COL5A1: variants seen among roughly 807,000 people sequenced by gnomAD.
COL5A1 encodes collagen alpha-1(V) chain.
A neutral mutation model predicts 263.7 loss-of-function variants in COL5A1; 16 were observed. That is an observed-to-expected ratio of 0.06 (90% CI 0.04 to 0.09). COL5A1 has a LOEUF of 0.09. Ranked by LOEUF, COL5A1 falls within the 10% of genes least tolerant of loss-of-function variation. COL5A1 has a pLI of 1.00. For missense variants in COL5A1, 2,036 were observed against 2,540.5 expected, an observed-to-expected ratio of 0.80 and a Z score of 4.27; for synonymous variants, 1,012 against 1,004.5, an observed-to-expected ratio of 1.01 and a Z score of -0.14.
At chr9:134,772,260 C>T (rs1306912798) in intron 25 of COL5A1, among the ~76,000 whole-genome samples, 1 of 152,252 alleles carries the variant, frequency 6.6e-6, no homozygotes, top group African/African-American at 2.4e-5. Context: ...GGTTCCCCAA[C>T]AATCAGAGAT....
At chr9:134,736,128 C>T (rs1311382699) in intron 9 of COL5A1, among the ~76,000 whole-genome samples, 1 of 152,242 alleles carries the variant, frequency 6.6e-6, no homozygotes, top group African/African-American at 2.4e-5. Context: ...TGGTACCCAG[C>T]ACCTCTGGCA....
rs775736911 is a variant in COL5A1 at position 134,728,729 on chromosome 9, C to T, written c.846C>T (p.Asp282=). 1.2e-5 allele frequency: 19 copies of T among 1,614,198 alleles called. No homozygotes were observed. The highest frequency in any genetic ancestry group is 1.5e-5 in the Non-Finnish European group (18 of 1,180,034). Residue 282 remains aspartate (D), a synonymous_variant, in exon 6 of 66, where the codon GAC becomes GAT. Coordinates refer to ENST00000371817, the MANE Select transcript of COL5A1 (RefSeq NM_000093.5). ...TYYYEYPYYE[D]PEDLGKEPTP... ...ACTACGAATACCCCTACTACGAAGA[C>T]CCCGAAGACCTAGGGAAGGAGCCCA...
At position 134,813,985 on chromosome 9, in the gene COL5A1, C is replaced by T. The variant is rs139544503; in HGVS notation, c.3855C>T (p.Gly1285=). ...AACCACATGCACTGTCTCCCTAGGG[C>T]GAGCCTGGCGAAGCAGGTGAGCCTG... The part of the protein sequence containing the change: ...IGNPGAVGEK[G]EPGEAGEPGL... The change falls in exon 49 of 66, where the codon GGC becomes GGT. Residue 1285 remains glycine (G), a splice_region_variant and synonymous_variant. Coordinates refer to ENST00000371817, the MANE Select transcript of COL5A1 (RefSeq NM_000093.5). The T allele has an allele frequency of 1.3e-3, 1,996 of 1,550,988 alleles. 2 individuals are homozygous for T. The highest frequency in any genetic ancestry group is 1.5e-3 in the Non-Finnish European group (1,678 of 1,147,084).
chr9:134,657,951 G>C (rs1832074740), intron 1 of COL5A1, among the ~76,000 whole-genome samples: 1 of 151,944 alleles, frequency 6.6e-6, no homozygotes, highest in Middle Eastern at 3.2e-3. Flanking sequence ...AGGCCTGGGA[G>C]TCCTGGCCTG....
chr9:134,786,222 C>T (rs1414080792), intron 31 of COL5A1, among the ~76,000 whole-genome samples, 174 bp downstream of exon 31: 2 of 151,766 alleles, frequency 1.3e-5, no homozygotes, highest in African/African-American at 4.8e-5. Context: ...TACCGCCAGG[C>T]CTCCTCACCT....
Position 134,691,029 on chromosome 9 carries a change from G to T in COL5A1, c.227G>T (p.Arg76Ile), listed in dbSNP as rs1401121919. ...RSSKGPDVAY[R>I]VTKDAQLSAP... ...TCCAAAGGCCCGGATGTCGCTTACA[G>T]AGTCACCAAAGACGCGCAGCTCAGC... is the stretch of plus-strand genomic sequence containing the variant. Residue 76 changes from arginine to isoleucine, a missense_variant, in exon 2 of 66, where the codon AGA becomes ATA. Around this residue, in one of 3 missense-constraint regions of COL5A1, gnomAD observed 600 missense variants for 634.5 expected, o/e 0.95. Transcript: ENST00000371817. 6.2e-7 allele frequency: 1 copy of T among 1,613,730 alleles called. No homozygotes were observed.
intron 63 of COL5A1, among the ~76,000 whole-genome samples, chr9:134,828,944 T>C (rs1323989785): frequency 1.3e-5 from 2 of 148,748 alleles, no homozygotes; most frequent in Non-Finnish European, 1.5e-5. Flanking sequence ...CACACACAGA[T>C]GCGTACCACA....
chr9:134,809,425 C>A, intron 43 of COL5A1, 135 bp downstream of exon 43: 2 of 728,402 alleles, frequency 2.7e-6, no homozygotes, highest in South Asian at 1.5e-5. Context: ...ACCCACCCCG[C>A]AGTCCTGGCA....
At chr9:134,833,113 GACAGGCTGCCCTGC>G (rs140368494) in intron 64 of COL5A1, among the ~76,000 whole-genome samples, 2,428 of 152,296 alleles carry the variant, frequency 0.016, 64 homozygotes, top group African/African-American at 0.055. Flanking sequence ...CTGCAAACAG[GACAGGCTGCCCTGC>G]CCAGCCAGGC....
chr9:134,817,113 A>G (rs2132858900), intron 53 of COL5A1, 34 bp downstream of exon 53: 2 of 1,600,292 alleles, frequency 1.2e-6, no homozygotes, highest in African/African-American at 1.3e-5. Context: ...CTTGCTGTCA[A>G]ATCCCTGCAT....
chr9:134,819,483 T>G (rs1167935873), intron 57 of COL5A1, among the ~76,000 whole-genome samples: 3 of 152,212 alleles, frequency 2.0e-5, no homozygotes, highest in Non-Finnish European at 2.9e-5. Flanking sequence ...ATTGATTTAT[T>G]TACAAACATA....
At chr9:134,777,910 C>G (rs969893861) in intron 27 of COL5A1, among the ~76,000 whole-genome samples, 2 of 152,220 alleles carry the variant, frequency 1.3e-5, no homozygotes, top group Non-Finnish European at 2.9e-5. Context: ...CAGGCTCAAC[C>G]CTGATTGTAT....
Position 134,789,595 on chromosome 9 carries a change from A to T in COL5A1, c.2700+387A>T, listed in dbSNP as rs1837598589. ...AGGAGATTGTTTTTTCCCTTCAAAA[A>T]TGTCCTGCTACTTAACCGTCGTCCA... On this transcript the variant is annotated intron_variant, in intron 32 of 65. Transcript: ENST00000371817. The surrounding 1 kb of genome is among the most constrained non-coding windows in gnomAD (Gnocchi z 4.8). Among the ~76,000 whole-genome samples the T allele has an allele frequency of 6.6e-6, 1 of 152,226 alleles. No individual in the cohort carries two copies. Among genetic ancestry groups the T allele is most frequent in the Non-Finnish European group, 1.5e-5 (1 of 68,036 alleles).
At chr9:134,669,901 C>T (rs1832489502) in intron 1 of COL5A1, among the ~76,000 whole-genome samples, 1 of 152,190 alleles carries the variant, frequency 6.6e-6, no homozygotes, top group Non-Finnish European at 1.5e-5. Flanking sequence ...CTTATAGATT[C>T]AGAGACGCAA....
At chr9:134,701,843 G>A (rs969711050) in intron 4 of COL5A1, among the ~76,000 whole-genome samples, 11 of 152,244 alleles carry the variant, frequency 7.2e-5, no homozygotes, top group Admixed American at 5.9e-4. Context: ...GCTTTCCCGG[G>A]GAATGCCTCA....
At chr9:134,703,255 C>T (rs1029345953) in intron 4 of COL5A1, among the ~76,000 whole-genome samples, 7 of 152,138 alleles carry the variant, frequency 4.6e-5, no homozygotes, top group Admixed American at 6.5e-5. Context: ...ACACACCCTC[C>T]GGGCACACTT....
At chr9:134,658,947 G>T (rs1832118024) in intron 1 of COL5A1, among the ~76,000 whole-genome samples, 1 of 152,176 alleles carries the variant, frequency 6.6e-6, no homozygotes, top group African/African-American at 2.4e-5. Flanking sequence ...GGACTCTCTG[G>T]GACTTGTCTT....
intron 18 of COL5A1, among the ~76,000 whole-genome samples, chr9:134,760,706 C>A (rs1433719093): frequency 4.1e-5 from 6 of 145,188 alleles, no homozygotes; most frequent in Non-Finnish European, 9.0e-5. Flanking sequence ...CACACACACA[C>A]CCACACACCC....
In COL5A1 at chr9:134,842,566, C is replaced by T. The variant is rs1007459981; in HGVS notation, c.*263C>T. 6 of 579,222 alleles carry T rather than the reference C, an allele frequency of 1.0e-5. No individual in the cohort carries two copies. The highest frequency in any genetic ancestry group is 1.9e-5 in the Non-Finnish European group (6 of 324,164). 35.9% of individuals were successfully genotyped at this position (579,222 alleles called of 1,614,324 possible). A position where few individuals can be genotyped will look rare whatever the true frequency, so the allele number is the denominator to read the frequency against. ...GGGCCCGCCCCACGCTCTGTCCACACCCACGCGCCCCGGGAGCGGGGCCAT... is the reference window on the plus strand; with the variant it reads ...GGGCCCGCCCCACGCTCTGTCCACATCCACGCGCCCCGGGAGCGGGGCCAT... On this transcript the variant is annotated 3_prime_UTR_variant, in exon 66 of 66. Transcript: ENST00000371817. The surrounding 1 kb of genome is among the most constrained non-coding windows in gnomAD (Gnocchi z 5.8).
Sources: allele counts gnomAD v4.1 joint callset (sites outside exome capture counted in the v4.1 genomes callset), GRCh38; gene constraint gnomAD v4.1.1; regional missense constraint gnomAD v4.1.1; non-coding constraint Gnocchi (gnomAD v3.1); transcripts MANE v1.5; gene names NCBI Gene and HGNC (gene_info 2026-07-23, HGNC 2026-07-21).